Variants in PPARA observed in about 807,000 individuals in gnomAD.
PPARA encodes the protein peroxisome proliferator-activated receptor alpha.
Under a neutral mutation model 42.2 loss-of-function variants are expected in PPARA, and 22 were observed. That is an observed-to-expected ratio of 0.52 (90% CI 0.37 to 0.74). The LOEUF (loss-of-function observed/expected upper bound fraction) is 0.74. Ranked by LOEUF, PPARA falls within the 30% of genes least tolerant of loss-of-function variation. PPARA has a pLI of 0.00. For missense variants in PPARA, 465 were observed against 608.2 expected, an observed-to-expected ratio of 0.76 and a Z score of 2.48; for synonymous variants, 242 against 239.3, an observed-to-expected ratio of 1.01 and a Z score of -0.10.
chr22:46,184,172 G>A lies in PPARA; in HGVS notation c.-43+7336G>A, dbSNP rs1484484202. ...GCAGGGTTGGATCTGAAAAATGGCT[G>A]ATGATGATTTGATGATGACTTCATT... is the stretch of plus-strand genomic sequence containing the variant. On this transcript the variant is annotated intron_variant, in intron 3 of 8. Coordinates refer to ENST00000407236, the MANE Select transcript of PPARA (RefSeq NM_005036.6). This position sits in a 1 kb window ranked among gnomAD's most constrained non-coding sequence, Gnocchi z 4.4. Among the ~76,000 whole-genome samples, 1 of 152,148 alleles carries A rather than the reference G, an allele frequency of 6.6e-6. No homozygotes were observed. The highest frequency in any genetic ancestry group is 1.5e-5 in the Non-Finnish European group (1 of 68,028).
In PPARA at chr22:46,166,689, G is replaced by T. The variant is rs1013897663; in HGVS notation, c.-126-10064G>T. 4.0e-5 allele frequency among the ~76,000 whole-genome samples: 6 copies of T among 151,698 alleles called. 1 individual carries two copies. In the South Asian group the frequency reaches 1.2e-3, roughly 31 times the overall value. On this transcript the variant is annotated intron_variant, in intron 2 of 8. Coordinates refer to ENST00000407236, the MANE Select transcript of PPARA (RefSeq NM_005036.6). The stretch of plus-strand genomic sequence containing the variant: ...AATGCTCAGAGATAAAATGCGCGAG[G>T]CCTGTACACTGTAATCTACAAAACA...
chr22:46,223,949 CAA>C (rs961106248), intron 7 of PPARA, among the ~76,000 whole-genome samples: 27 of 90,918 alleles, frequency 3.0e-4, no homozygotes, highest in Non-Finnish European at 3.4e-4. Context: ...GACTCCATCT[CAA>C]AAAAAAAAAA....
intron 5 of PPARA, among the ~76,000 whole-genome samples, chr22:46,217,642 A>T (rs1484790453): frequency 6.6e-6 from 1 of 152,138 alleles, no homozygotes; most frequent in African/African-American, 2.4e-5. Flanking sequence ...ATACATTGTA[A>T]CAAGGCTGAG....
Position 46,173,588 on chromosome 22 carries a change from A to G in PPARA, c.-126-3165A>G, listed in dbSNP as rs573621650. Among the ~76,000 whole-genome samples the G allele has an allele frequency of 1.5e-3, 224 of 152,254 alleles. 4 individuals carry two copies. Among genetic ancestry groups the G allele is most frequent in the Middle Eastern group, 0.01 (3 of 294 alleles). On this transcript the variant is annotated intron_variant, in intron 2 of 8. Coordinates refer to ENST00000407236, the MANE Select transcript of PPARA (RefSeq NM_005036.6). The surrounding 1 kb of genome is among the most constrained non-coding windows in gnomAD (Gnocchi z 4.3). ...CTTAAAAATGTCAGTATCATAAAAGACAAAGAAAAGCTGCGGAAATGTTTC... is the reference window on the plus strand; with the variant it reads ...CTTAAAAATGTCAGTATCATAAAAGGCAAAGAAAAGCTGCGGAAATGTTTC...
In PPARA at chr22:46,235,762, T is replaced by C; in HGVS notation, c.*382T>C. 1 of 314,896 alleles carries C rather than the reference T, an allele frequency of 3.2e-6. No individual in the cohort carries two copies. Among genetic ancestry groups the C allele is most frequent in the South Asian group, 3.1e-5 (1 of 32,588 alleles). 19.5% of individuals were successfully genotyped at this position (314,896 alleles called of 1,614,324 possible). A position where few individuals can be genotyped will look rare whatever the true frequency, so the allele number is the denominator to read the frequency against. On this transcript the variant is annotated 3_prime_UTR_variant, in exon 9 of 9. Coordinates refer to ENST00000407236, the MANE Select transcript of PPARA (RefSeq NM_005036.6). This position sits in a 1 kb window ranked among gnomAD's most constrained non-coding sequence, Gnocchi z 7.0. ...TCTTCCCATTCACCCCGCTTTTGACTATTGTGCTCCTTTATAATTCTGAAA... is the reference window on the plus strand; with the variant it reads ...TCTTCCCATTCACCCCGCTTTTGACCATTGTGCTCCTTTATAATTCTGAAA...
intron 2 of PPARA, among the ~76,000 whole-genome samples, chr22:46,158,757 T>C (rs1925701678): frequency 6.6e-6 from 1 of 152,340 alleles, no homozygotes; most frequent in African/African-American, 2.4e-5. Context: ...CAAAATAACA[T>C]TGAGTGGGCT....
At chr22:46,157,333 C>T (rs1161526754) in intron 2 of PPARA, among the ~76,000 whole-genome samples, 1 of 152,190 alleles carries the variant, frequency 6.6e-6, no homozygotes, top group Non-Finnish European at 1.5e-5. Flanking sequence ...GGCACCTAAA[C>T]AGGAGTGCAG....
At chr22:46,177,018 G>A (rs1047482960) in intron 3 of PPARA, among the ~76,000 whole-genome samples, 182 bp downstream of exon 3, 5 of 152,164 alleles carry the variant, frequency 3.3e-5, no homozygotes, top group African/African-American at 7.2e-5. Context: ...AGACCATCCT[G>A]GCTAACACAG....
intron 7 of PPARA, chr22:46,220,396 C>A (rs551579449): frequency 1.6e-5 from 5 of 321,968 alleles, no homozygotes; most frequent in South Asian, 1.3e-4. Context: ...TTCACTGCAG[C>A]CTTGAACTCC....
At position 46,219,566 on chromosome 22, in the gene PPARA, C is replaced by G. The variant is rs1934826462; in HGVS notation, c.509-246C>G. ...ACTAATGAGACGAACGATGGTGTCA[C>G]CTTCAGCCTGCACCTGTTAACGATG... is the stretch of plus-strand genomic sequence containing the variant. On this transcript the variant is annotated intron_variant, in intron 6 of 8. Transcript: ENST00000407236. The surrounding 1 kb of genome is among the most constrained non-coding windows in gnomAD (Gnocchi z 4.8). Among the ~76,000 whole-genome samples the G allele has an allele frequency of 6.6e-6, 1 of 152,140 alleles. No individual in the cohort carries two copies. The highest frequency in any genetic ancestry group is 2.1e-4 in the South Asian group (1 of 4,814).
intron 4 of PPARA, among the ~76,000 whole-genome samples, chr22:46,208,191 A>G (rs1052900936): frequency 2.0e-5 from 3 of 152,198 alleles, no homozygotes; most frequent in Admixed American, 2.0e-4. Context: ...TACATTGTGG[A>G]ATGTGTAAAT....
chr22:46,177,167 C>T (rs978118678), intron 3 of PPARA, among the ~76,000 whole-genome samples: 1 of 151,718 alleles, frequency 6.6e-6, no homozygotes, highest in East Asian at 1.9e-4. Flanking sequence ...GCCAAGATCA[C>T]GCCACTGCAC....
At chr22:46,186,523 G>A (rs570067827) in intron 3 of PPARA, among the ~76,000 whole-genome samples, 221 of 152,278 alleles carry the variant, frequency 1.5e-3, no homozygotes, top group Non-Finnish European at 2.6e-3. Flanking sequence ...GCAGCACCAT[G>A]TGCCCATTAC....
In PPARA at chr22:46,212,770, C is replaced by T. The variant is rs1934064936; in HGVS notation, c.209-2403C>T. ...CAGCATTTTGGGAGGCCAAGGCGGG[C>T]AGATCACTTGAGGTCAGGAGTTTGA... On this transcript the variant is annotated intron_variant, in intron 4 of 8. Transcript: ENST00000407236. This position sits in a 1 kb window ranked among gnomAD's most constrained non-coding sequence, Gnocchi z 4.2. 1.3e-5 allele frequency among the ~76,000 whole-genome samples: 2 copies of T among 152,158 alleles called. No individual in the cohort carries two copies. Among genetic ancestry groups the T allele is most frequent in the African/African-American group, 4.8e-5 (2 of 41,440 alleles).
Position 46,225,992 on chromosome 22 carries a change from T to TAC in PPARA, c.712-5792_712-5791dup, listed in dbSNP as rs34858419. Among the ~76,000 whole-genome samples, 47,393 of 151,496 alleles carry TAC rather than the reference T, an allele frequency of 0.31. 11,513 individuals carry two copies. Among genetic ancestry groups the TAC allele is most frequent in the African/African-American group, 0.68 (28,083 of 41,222 alleles). On this transcript the variant is annotated intron_variant, in intron 7 of 8. Coordinates refer to ENST00000407236, the MANE Select transcript of PPARA (RefSeq NM_005036.6). This position sits in a 1 kb window ranked among gnomAD's most constrained non-coding sequence, Gnocchi z 4.1. ...TCACCCATACAGTCACACACATGCA[T>TAC]ACACACACATACAAACACATGCATT... is the stretch of plus-strand genomic sequence containing the variant.
At chr22:46,166,204 AAGTC>A (rs1164241956) in intron 2 of PPARA, among the ~76,000 whole-genome samples, 1 of 152,104 alleles carries the variant, frequency 6.6e-6, no homozygotes, top group Non-Finnish European at 1.5e-5. Context: ...ACTTCTCTCA[AAGTC>A]AGTCTGTGAT....
chr22:46,227,780 C>T lies in PPARA; in HGVS notation c.712-4012C>T, dbSNP rs889908258. On this transcript the variant is annotated intron_variant, in intron 7 of 8. Coordinates refer to ENST00000407236, the MANE Select transcript of PPARA (RefSeq NM_005036.6). This position sits in a 1 kb window ranked among gnomAD's most constrained non-coding sequence, Gnocchi z 4.3. ...TTATTTCATTTATTTGAAATGACTGCCTGTCGTGTCAGATATATTCATAGT... is the reference window on the plus strand; with the variant it reads ...TTATTTCATTTATTTGAAATGACTGTCTGTCGTGTCAGATATATTCATAGT... 6.6e-6 allele frequency among the ~76,000 whole-genome samples: 1 copy of T among 152,146 alleles called. No individual in the cohort carries two copies. The highest frequency in any genetic ancestry group is 1.5e-5 in the Non-Finnish European group (1 of 68,046).
In PPARA at chr22:46,235,036, A is replaced by G. The variant is rs1936125702; in HGVS notation, c.1160-97A>G. Reference sequence around the variant, plus strand: ...AAGGCAGCTCAGTTTTTTTCTAAGAAAGGCCACATAAAATAGGCATGTTTG... The same window carrying G: ...AAGGCAGCTCAGTTTTTTTCTAAGAGAGGCCACATAAAATAGGCATGTTTG... On this transcript the variant is annotated intron_variant, in intron 8 of 8. Transcript: ENST00000407236. The surrounding 1 kb of genome is among the most constrained non-coding windows in gnomAD (Gnocchi z 7.0). The G allele has an allele frequency of 3.2e-6, 5 of 1,544,462 alleles. No individual in the cohort carries two copies. The highest frequency in any genetic ancestry group is 4.5e-6 in the Non-Finnish European group (5 of 1,119,122).
At chr22:46,185,702 C>T (rs1930562420) in intron 3 of PPARA, among the ~76,000 whole-genome samples, 1 of 150,252 alleles carries the variant, frequency 6.7e-6, no homozygotes, top group South Asian at 2.1e-4. Flanking sequence ...CAAGACCAGC[C>T]TGGCCAACAT....
Sources: allele counts gnomAD v4.1 joint callset (sites outside exome capture counted in the v4.1 genomes callset), GRCh38; gene constraint gnomAD v4.1.1; non-coding constraint Gnocchi (gnomAD v3.1); transcripts MANE v1.5; gene names NCBI Gene and HGNC (gene_info 2026-07-23, HGNC 2026-07-21).